Variants in CBLB observed in about 807,000 individuals in gnomAD.
CBLB encodes E3 ubiquitin-protein ligase CBL-B.
In CBLB, 31 loss-of-function variants were observed where a neutral mutation model predicts 104.9. The observed-to-expected ratio is 0.30, with a 90% CI of 0.22 to 0.40. The LOEUF (loss-of-function observed/expected upper bound fraction) is 0.40, where lower values mean the gene tolerates loss of function less well. CBLB is among the 10% of genes least tolerant of loss of function. CBLB has a pLI of 1.00. For missense variants in CBLB, 1,062 were observed against 1,214.6 expected, an observed-to-expected ratio of 0.87 and a Z score of 1.87; for synonymous variants, 440 against 422.6, an observed-to-expected ratio of 1.04 and a Z score of -0.51.
At chr3:105,754,533 G>GAGAGAC (rs1560097159) in intron 4 of CBLB, among the ~76,000 whole-genome samples, 29 of 129,450 alleles carry the variant, frequency 2.2e-4, no homozygotes, top group Non-Finnish European at 3.1e-4. Context: ...CAGAGAGAGA[G>GAGAGAC]AGAGAGAGAG....
In CBLB at chr3:105,657,141, C is replaced by CA. The variant is rs980599237; in HGVS notation, c.*1828dup. 1.3e-5 allele frequency: 3 copies of CA among 224,492 alleles called. No homozygotes were observed. Among genetic ancestry groups the CA allele is most frequent in the African/African-American group, 2.2e-5 (1 of 44,822 alleles). 13.9% of individuals were successfully genotyped at this position (224,492 alleles called of 1,614,324 possible). On this transcript the variant is annotated 3_prime_UTR_variant, in exon 19 of 19. Transcript: ENST00000394030. ...TCTCATACCATGAAAGCCAGACTGTCAAAAAAAGGGCACATGTCACTTTGC... is the reference window on the plus strand; with the variant it reads ...TCTCATACCATGAAAGCCAGACTGTCAAAAAAAAGGGCACATGTCACTTTGC...
intron 18 of CBLB, among the ~76,000 whole-genome samples, chr3:105,666,368 C>T (rs2064457949): frequency 2.0e-5 from 3 of 152,050 alleles, no homozygotes; most frequent in South Asian, 4.1e-4. Context: ...CATTTTTATG[C>T]CATAAGGTTG....
chr3:105,776,599 A>G, intron 3 of CBLB, 57 bp from the exon 4 acceptor site: 1 of 1,426,596 alleles, frequency 7.0e-7, no homozygotes, highest in Non-Finnish European at 9.9e-7. Flanking sequence ...ATGCATGCAA[A>G]TTTTTATGGT....
At position 105,828,785 on chromosome 3, in the gene CBLB, A is replaced by G. The variant is rs369923134; in HGVS notation, c.419+24629T>C. 2.0e-5 allele frequency among the ~76,000 whole-genome samples: 3 copies of G among 152,294 alleles called. No individual in the cohort carries two copies. In the East Asian group the frequency reaches 5.8e-4, roughly 29 times the overall value. On this transcript the variant is annotated intron_variant, in intron 3 of 18. Transcript: ENST00000394030. ...CAAATAAACTTTATTTTTCAAACAC[A>G]ACCTACTCGATTTTAACAAGAAACT...
intron 2 of CBLB, among the ~76,000 whole-genome samples, chr3:105,861,136 C>CA (rs367546523): frequency 1.4e-5 from 2 of 138,670 alleles, no homozygotes; most frequent in East Asian, 5.0e-4. Context: ...TACTTAAAAA[C>CA]AAAAAAAACC....
At chr3:105,811,789 A>C (rs1381198733) in intron 3 of CBLB, among the ~76,000 whole-genome samples, 2 of 151,808 alleles carry the variant, frequency 1.3e-5, no homozygotes, top group Non-Finnish European at 2.9e-5. Context: ...GGCTCACAGC[A>C]ACCTCCACCT....
intron 12 of CBLB, among the ~76,000 whole-genome samples, chr3:105,695,284 T>C (rs1287284206): frequency 6.6e-6 from 1 of 151,854 alleles, no homozygotes; most frequent in South Asian, 2.1e-4. Flanking sequence ...TTCAGCTGTA[T>C]TGGCTCTAAT....
At chr3:105,853,332 C>A (rs970501665) in intron 3 of CBLB, 82 bp downstream of exon 3, 1 of 1,409,566 alleles carries the variant, frequency 7.1e-7, no homozygotes, top group Non-Finnish European at 1.0e-6. Context: ...AAAACAATTA[C>A]ATGGTGACGT....
chr3:105,866,480 A>G (rs1578025460), intron 2 of CBLB, among the ~76,000 whole-genome samples: 1 of 152,332 alleles, frequency 6.6e-6, no homozygotes, highest in Admixed American at 6.5e-5. Flanking sequence ...TTGGCCCCAG[A>G]TATCTATGAA....
chr3:105,766,024 A>C (rs2078182065), intron 4 of CBLB, among the ~76,000 whole-genome samples: 1 of 152,202 alleles, frequency 6.6e-6, no homozygotes, highest in Non-Finnish European at 1.5e-5. Context: ...TTATGATTCA[A>C]GGGAGGAGGT....
intron 3 of CBLB, among the ~76,000 whole-genome samples, chr3:105,851,624 G>T (rs566620123): frequency 6.6e-6 from 1 of 152,262 alleles, no homozygotes; most frequent in Admixed American, 6.5e-5. Flanking sequence ...GGGCAGAGGA[G>T]ATTTATGGGA....
chr3:105,825,137 C>A (rs1293448696), intron 3 of CBLB, among the ~76,000 whole-genome samples: 1 of 152,164 alleles, frequency 6.6e-6, no homozygotes, highest in Non-Finnish European at 1.5e-5. Flanking sequence ...TTATTCACTA[C>A]TAAATCCTTT....
At chr3:105,761,578 A>C (rs1362856445) in intron 4 of CBLB, among the ~76,000 whole-genome samples, 1 of 152,126 alleles carries the variant, frequency 6.6e-6, no homozygotes, top group Non-Finnish European at 1.5e-5. Context: ...GCCATGTAAG[A>C]TGTGCCTTTT....
intron 3 of CBLB, among the ~76,000 whole-genome samples, chr3:105,799,501 G>A (rs1048283992): frequency 3.9e-5 from 6 of 152,018 alleles, no homozygotes; most frequent in African/African-American, 9.7e-5. Context: ...GAAAACACCC[G>A]CATAACAAGC....
At chr3:105,706,368 G>T (rs1464430896) in intron 10 of CBLB, among the ~76,000 whole-genome samples, 1 of 151,886 alleles carries the variant, frequency 6.6e-6, no homozygotes, top group Non-Finnish European at 1.5e-5. Context: ...GCTCGGTTAT[G>T]GTAAGTCAAA....
chr3:105,805,863 C>T (rs372659206), intron 3 of CBLB, among the ~76,000 whole-genome samples: 8 of 150,816 alleles, frequency 5.3e-5, no homozygotes, highest in African/African-American at 1.2e-4. Flanking sequence ...ATTATATTCA[C>T]GTATCTCCAC....
chr3:105,795,374 T>C (rs1218630808), intron 3 of CBLB, among the ~76,000 whole-genome samples: 1 of 152,196 alleles, frequency 6.6e-6, no homozygotes, highest in African/African-American at 2.4e-5. Context: ...CAAGTATACA[T>C]CATATAATTT....
chr3:105,823,066 C>T (rs1330853471), intron 3 of CBLB, among the ~76,000 whole-genome samples: 3 of 152,150 alleles, frequency 2.0e-5, no homozygotes, highest in Non-Finnish European at 4.4e-5. Context: ...AATTAAAAGG[C>T]TCTGCTTGAA....
chr3:105,853,057 T>C (rs2091162804), intron 3 of CBLB, among the ~76,000 whole-genome samples: 1 of 152,128 alleles, frequency 6.6e-6, no homozygotes, highest in Non-Finnish European at 1.5e-5. Flanking sequence ...TATGTTTAGG[T>C]ATATTTAGAT....
Sources: gnomAD v4.1 joint callset for allele counts (sites outside exome capture counted in the v4.1 genomes callset) on GRCh38, gnomAD v4.1.1 for gene constraint, MANE v1.5 for transcripts, NCBI Gene and HGNC (gene_info 2026-07-23, HGNC 2026-07-21) for gene names.